The following VPS16 variants were observed in gnomAD, a reference collection of about 807,000 sequenced individuals.
VPS16 encodes the protein vacuolar protein sorting-associated protein 16 homolog.
In VPS16, 82 loss-of-function variants were observed where a neutral mutation model predicts 116.0. That is an observed-to-expected ratio of 0.71 (90% CI 0.59 to 0.85). VPS16 has a LOEUF of 0.85. Ranked by LOEUF, VPS16 falls within the 40% of genes least tolerant of loss-of-function variation. VPS16 has a pLI of 0.00. For missense variants in VPS16, 928 were observed against 1,090.6 expected, an observed-to-expected ratio of 0.85 and a Z score of 2.10; for synonymous variants, 406 against 420.7, an observed-to-expected ratio of 0.96 and a Z score of 0.43.
chr20:2,845,253 T>C (rs1317457196), intron 1 of VPS16, among the ~76,000 whole-genome samples: 1 of 151,804 alleles, frequency 6.6e-6, no homozygotes, highest in Non-Finnish European at 1.5e-5. Context: ...CTGCACTTGG[T>C]GGGGAGGAAG....
rs1427342739 is a variant in VPS16, at chr20:2,864,266, G to A, written c.1699G>A (p.Glu567Lys). Residue 567 changes from glutamate to lysine, a missense_variant, in exon 17 of 24, where the codon GAG becomes AAG. By Grantham distance (56) the Glu-to-Lys change is moderately conservative. Transcript: ENST00000380445. The surrounding 1 kb of genome is among the most constrained non-coding windows in gnomAD (Gnocchi z 5.2). ...RSKLALSKAI[E>K]SGDTDLVFTV... ...CAAACTGGCACTAAGCAAGGCCATC[G>A]AGAGCGGGGACACTGACCTGGGTGA... is the stretch of plus-strand genomic sequence containing the variant. 6.8e-6 allele frequency: 11 copies of A among 1,614,072 alleles called. No individual in the cohort carries two copies. The highest frequency in any genetic ancestry group is 2.2e-5 in the East Asian group (1 of 44,898).
chr20:2,862,037 C>T lies in VPS16; in HGVS notation c.995-17C>T. 4 of 1,613,258 alleles carry T rather than the reference C, an allele frequency of 2.5e-6. No homozygotes were observed. Among genetic ancestry groups the T allele is most frequent in the South Asian group, 1.1e-5 (1 of 90,768 alleles). On this transcript the variant is annotated splice_polypyrimidine_tract_variant and intron_variant, in intron 10 of 23. Transcript: ENST00000380445. ...TTTCCCTGCCTTTCTCCCTCACTCACCAACTCCCTTCCCCAGCGGCCAGCG... is the reference window on the plus strand; with the variant it reads ...TTTCCCTGCCTTTCTCCCTCACTCATCAACTCCCTTCCCCAGCGGCCAGCG...
Position 2,859,798 on chromosome 20 carries a change from G to A in VPS16, c.133G>A (p.Gly45Ser), listed in dbSNP as rs936861287. 8.1e-6 allele frequency: 13 copies of A among 1,609,298 alleles called. No individual in the cohort carries two copies. The African/African-American group carries it at 1.7e-4, about 22-fold the overall frequency. ...CCTGGTGGCTGCTGCACCCTATGGGGGCCCCATTGGTATGTTGCCCCTCCA... is the reference window on the plus strand; with the variant it reads ...CCTGGTGGCTGCTGCACCCTATGGGAGCCCCATTGGTATGTTGCCCCTCCA... Reference protein sequence around the residue: ...DCLVAAAPYGGPIALLRNPWR... With the variant: ...DCLVAAAPYGSPIALLRNPWR... Residue 45 changes from glycine to serine, a missense_variant, in exon 2 of 24, where the codon GGC becomes AGC. Gly to Ser is a moderately conservative substitution (Grantham distance 56). Coordinates refer to ENST00000380445, the MANE Select transcript of VPS16 (RefSeq NM_022575.4).
At chr20:2,861,174 T>C (rs1287554915) in intron 7 of VPS16, 51 bp from the exon 8 acceptor site, 2 of 1,614,072 alleles carry the variant, frequency 1.2e-6, no homozygotes, top group East Asian at 2.2e-5. Flanking sequence ...GCTTTTCGAC[T>C]AGAATGGTGA....
chr20:2,855,988 T>G (rs1310524929), intron 1 of VPS16, among the ~76,000 whole-genome samples: 1 of 152,250 alleles, frequency 6.6e-6, no homozygotes, highest in Non-Finnish European at 1.5e-5. Flanking sequence ...GAACTTTTCC[T>G]TTGCATTCAC....
rs959979101 is a variant in VPS16, at chr20:2,861,681, G to A, written c.876G>A (p.Val292=). 6.2e-7 allele frequency: 1 copy of A among 1,613,210 alleles called. No individual in the cohort carries two copies. The highest frequency in any genetic ancestry group is 8.5e-7 in the Non-Finnish European group (1 of 1,179,860). ...CCTGGGAAAGGCGGCTGATGGTGGT[G>A]GGCGATGCACCCGAGAGCATCCAGT... is the stretch of plus-strand genomic sequence containing the variant. ...VVAWERRLMV[V]GDAPESIQFV... Residue 292 remains valine (V), a synonymous_variant, in exon 9 of 24, where the codon GTG becomes GTA. Transcript: ENST00000380445.
intron 1 of VPS16, among the ~76,000 whole-genome samples, chr20:2,855,655 G>A (rs1032888089): frequency 1.3e-5 from 2 of 152,178 alleles, no homozygotes; most frequent in Non-Finnish European, 2.9e-5. Context: ...AATGATCTTC[G>A]CTAGATCTTC....
chr20:2,844,238 T>G (rs1284897618), intron 1 of VPS16, among the ~76,000 whole-genome samples: 1 of 152,238 alleles, frequency 6.6e-6, no homozygotes, highest in African/African-American at 2.4e-5. Context: ...TATGTGTGCA[T>G]AGCTTTATGC....
chr20:2,861,189 T>G (rs778947851), intron 7 of VPS16, 36 bp from the exon 8 acceptor site: 76 of 1,614,082 alleles, frequency 4.7e-5, no homozygotes, highest in Admixed American at 1.7e-4. Flanking sequence ...TGGTGACTGC[T>G]GGGACAGGGC....
Position 2,864,216 on chromosome 20 carries a change from C to T in VPS16, c.1649C>T (p.Pro550Leu). The T allele has an allele frequency of 6.2e-7, 1 of 1,614,206 alleles. No homozygotes were observed. Among genetic ancestry groups the T allele is most frequent in the African/African-American group, 1.3e-5 (1 of 75,056 alleles). Residue 550 changes from proline to leucine, a missense_variant, in exon 17 of 24, where the codon CCC becomes CTC. Coordinates refer to ENST00000380445, the MANE Select transcript of VPS16 (RefSeq NM_022575.4). The surrounding 1 kb of genome is among the most constrained non-coding windows in gnomAD (Gnocchi z 5.2). ...EYEPRSGEQV[P>L]LLLKMKRSKL... ...GAGCCACGCTCAGGGGAGCAGGTAC[C>T]CCTTCTCCTAAAGATGAAGAGGAGC...
chr20:2,847,847 T>C (rs1005934038), intron 1 of VPS16, among the ~76,000 whole-genome samples: 2 of 152,140 alleles, frequency 1.3e-5, no homozygotes, highest in African/African-American at 4.8e-5. Context: ...ATACCCATCC[T>C]TCAGCCTCCT....
intron 1 of VPS16, among the ~76,000 whole-genome samples, chr20:2,847,627 C>T (rs1156887868): frequency 1.3e-5 from 2 of 151,944 alleles, no homozygotes; most frequent in South Asian, 2.1e-4. Flanking sequence ...TACAGGCATG[C>T]GCCACCACAC....
chr20:2,844,679 T>C (rs982148855), intron 1 of VPS16, among the ~76,000 whole-genome samples: 1 of 151,626 alleles, frequency 6.6e-6, no homozygotes, highest in Non-Finnish European at 1.5e-5. Flanking sequence ...ACTCCAGGAG[T>C]CAAAGGTAGA....
chr20:2,859,713 G>A lies in VPS16; in HGVS notation c.54-6G>A, dbSNP rs763464390. On this transcript the variant is annotated splice_region_variant and splice_polypyrimidine_tract_variant and intron_variant, in intron 1 of 23. Coordinates refer to ENST00000380445, the MANE Select transcript of VPS16 (RefSeq NM_022575.4). ...GGCTAATTTCTGCTCATCTCTGTGT[G>A]GGCAGGAAATATGAGCTGTACAGCA... 6.2e-7 allele frequency: 1 copy of A among 1,613,106 alleles called. No homozygotes were observed. The highest frequency in any genetic ancestry group is 2.2e-5 in the East Asian group (1 of 44,876).
intron 1 of VPS16, among the ~76,000 whole-genome samples, chr20:2,853,744 C>T (rs1212499315): frequency 3.9e-5 from 6 of 152,196 alleles, no homozygotes; most frequent in Middle Eastern, 3.4e-3. Flanking sequence ...ATGATCTCGG[C>T]TCACTGCAAC....
At chr20:2,844,271 C>G (rs966415797) in intron 1 of VPS16, among the ~76,000 whole-genome samples, 2 of 152,180 alleles carry the variant, frequency 1.3e-5, no homozygotes, top group Non-Finnish European at 2.9e-5. Context: ...TGATACATGT[C>G]TGAGTCAGTG....
intron 8 of VPS16, 96 bp from the exon 9 acceptor site, chr20:2,861,519 G>A: frequency 2.1e-6 from 3 of 1,444,234 alleles, no homozygotes; most frequent in Non-Finnish European, 2.8e-6. Flanking sequence ...TGATGCAAGT[G>A]TATACAGGCT....
chr20:2,861,741 G>T (rs764003845), intron 9 of VPS16, 37 bp downstream of exon 9: 3 of 1,611,268 alleles, frequency 1.9e-6, no homozygotes, highest in Admixed American at 1.7e-5. Flanking sequence ...GGAGAGAGGG[G>T]AGGGGAGGGT....
In VPS16 at chr20:2,864,388, A is replaced by G; in HGVS notation, c.1744A>G (p.Lys582Glu). The change falls in exon 18 of 24, where the codon AAG becomes GAG. Residue 582 changes from lysine (K) to glutamate (E), a missense_variant. Coordinates refer to ENST00000380445, the MANE Select transcript of VPS16 (RefSeq NM_022575.4). The surrounding 1 kb of genome is among the most constrained non-coding windows in gnomAD (Gnocchi z 5.2). ...DLVFTVLLHL[K>E]NELNRGDFFM... is the part of the protein sequence containing the mutation. ...AGTGTTCACGGTGTTGCTGCACCTGAAGAACGAGCTGAACCGAGGAGATTT... is the reference window on the plus strand; with the variant it reads ...AGTGTTCACGGTGTTGCTGCACCTGGAGAACGAGCTGAACCGAGGAGATTT... The G allele has an allele frequency of 6.2e-7, 1 of 1,614,178 alleles. No individual in the cohort carries two copies. Among genetic ancestry groups the G allele is most frequent in the East Asian group, 2.2e-5 (1 of 44,878 alleles).
Sources: gnomAD v4.1 joint callset for allele counts (sites outside exome capture counted in the v4.1 genomes callset) on GRCh38, gnomAD v4.1.1 for gene constraint, Gnocchi (gnomAD v3.1) non-coding constraint, MANE v1.5 for transcripts, NCBI Gene and HGNC (gene_info 2026-07-23, HGNC 2026-07-21) for gene names.